The following GLB1 variants were observed in gnomAD, a reference collection of about 807,000 sequenced individuals.
GLB1 encodes galactosidase beta 1.
A neutral mutation model predicts 74.0 loss-of-function variants in GLB1; 56 were observed. That is an observed-to-expected ratio of 0.76 (90% CI 0.61 to 0.94). The LOEUF (loss-of-function observed/expected upper bound fraction) is 0.94. Ranked by LOEUF, GLB1 falls within the 40% of genes least tolerant of loss-of-function variation. The pLI, the probability that GLB1 is intolerant of heterozygous loss-of-function variation, is 0.00. For missense variants in GLB1, 787 were observed against 845.5 expected, an observed-to-expected ratio of 0.93 and a Z score of 0.86; for synonymous variants, 323 against 323.6, an observed-to-expected ratio of 1.00 and a Z score of 0.02.
At chr3:33,091,716 T>C (rs1164894653) in intron 1 of GLB1, 1 of 985,346 alleles carries the variant, frequency 1.0e-6, no homozygotes, top group African/African-American at 1.7e-5. Flanking sequence ...CGCTGCCCTA[T>C]GAGTGAGCAG....
the GLB1 span, among the ~76,000 whole-genome samples, chr3:32,973,691 A>G: frequency 6.6e-6 from 1 of 152,146 alleles, no homozygotes; most frequent in African/African-American, 2.4e-5. Context: ...AACCACAATT[A>G]TGTTTGCACC....
At chr3:33,053,621 A>G (rs1192880394) in intron 6 of GLB1, 72 bp from the exon 7 acceptor site, 1 of 1,601,684 alleles carries the variant, frequency 6.2e-7, no homozygotes, top group Non-Finnish European at 8.5e-7. Flanking sequence ...AGAGCCCTTC[A>G]TGGGACTCGG....
At chr3:33,043,764 G>T (rs1698598501) in intron 10 of GLB1, among the ~76,000 whole-genome samples, 1 of 28,922 alleles carries the variant, frequency 3.5e-5, no homozygotes, top group Non-Finnish European at 8.8e-5. Flanking sequence ...TGAAATTACA[G>T]CATTGGGAAA....
intron 15 of GLB1, 111 bp downstream of exon 15, chr3:33,013,945 A>G: frequency 6.4e-7 from 1 of 1,574,062 alleles, no homozygotes; most frequent in Non-Finnish European, 8.7e-7. Context: ...GAAACGCCAC[A>G]CTCAAAACCA....
chr3:33,092,932 A>G (rs747086872), intron 1 of GLB1: 3 of 1,614,210 alleles, frequency 1.9e-6, no homozygotes, highest in South Asian at 2.2e-5. Flanking sequence ...ACATACACGA[A>G]TGTAGCCTGG....
At chr3:32,969,625 A>T in the GLB1 span, among the ~76,000 whole-genome samples, 11 of 152,300 alleles carry the variant, frequency 7.2e-5, no homozygotes, top group Non-Finnish European at 1.3e-4. Flanking sequence ...TACACTCCAA[A>T]TGAAAAGGCT....
intron 10 of GLB1, among the ~76,000 whole-genome samples, chr3:33,042,614 G>A (rs4472006): frequency 0.67 from 101,912 of 151,604 alleles, 35,272 homozygotes; most frequent in Middle Eastern, 0.81. Context: ...TGATCCGCCC[G>A]CCTCGGCCTC....
intron 11 of GLB1, among the ~76,000 whole-genome samples, chr3:33,022,890 G>T (rs1433974570): frequency 6.6e-6 from 1 of 151,884 alleles, no homozygotes; most frequent in Non-Finnish European, 1.5e-5. Context: ...ACTTCCCATG[G>T]TTACCTTGCT....
Position 33,021,545 on chromosome 3 carries a change from G to T in GLB1, c.1233+21C>A, listed in dbSNP as rs571161854. 1.9e-6 allele frequency: 3 copies of T among 1,611,260 alleles called. No individual in the cohort carries two copies. The South Asian group carries it at 3.3e-5, about 18-fold the overall frequency. On this transcript the variant is annotated intron_variant, in intron 12 of 15. Coordinates refer to ENST00000307363, the MANE Select transcript of GLB1 (RefSeq NM_000404.4). ...CTTTTGCAAGTAGAAAAAAGGCGAG[G>T]CATTACCTTTGAAGGCCTACCTGTT...
At chr3:33,065,968 CA>C (rs35555652) in intron 4 of GLB1, among the ~76,000 whole-genome samples, 43,152 of 123,250 alleles carry the variant, frequency 0.35, 6,657 homozygotes, top group South Asian at 0.41. Flanking sequence ...AACTCTGTCT[CA>C]AAAAAAAAAA....
chr3:33,021,010 C>G (rs557465280), intron 12 of GLB1, among the ~76,000 whole-genome samples: 2 of 150,150 alleles, frequency 1.3e-5, no homozygotes, highest in African/African-American at 4.9e-5. Flanking sequence ...TTAAAATTTT[C>G]CAAAACAAAA....
chr3:32,996,176 T>C (rs116459328), downstream of GLB1, among the ~76,000 whole-genome samples: 554 of 152,272 alleles, frequency 3.6e-3, 5 homozygotes, highest in African/African-American at 0.013. Flanking sequence ...GTGCATGGTG[T>C]AGAACAAGTC....
At chr3:33,085,274 CAAAAAAA>C (rs772490092) in intron 1 of GLB1, among the ~76,000 whole-genome samples, 3 of 74,132 alleles carry the variant, frequency 4.0e-5, no homozygotes, top group African/African-American at 1.0e-4. Flanking sequence ...GAGTCTGTTT[CAAAAAAA>C]AAAAAAAAAA....
intron 12 of GLB1, chr3:33,021,135 A>C (rs1309197576): frequency 1.5e-5 from 3 of 205,002 alleles, no homozygotes; most frequent in African/African-American, 2.3e-5. Flanking sequence ...TCTCTTCAAA[A>C]GCAGGAAAAA....
intron 15 of GLB1, among the ~76,000 whole-genome samples, chr3:33,008,866 T>A (rs1165945727): frequency 6.6e-6 from 1 of 152,142 alleles, no homozygotes; most frequent in Admixed American, 6.5e-5. Context: ...ACGCCTGTAA[T>A]CCCAGCACTC....
chr3:33,069,678 T>C lies in GLB1; in HGVS notation c.246-708A>G, dbSNP rs150477200. Among the ~76,000 whole-genome samples, 112 of 152,346 alleles carry C rather than the reference T, an allele frequency of 7.4e-4. No homozygotes were observed. In the East Asian group the frequency reaches 0.019, roughly 25 times the overall value. The stretch of plus-strand genomic sequence containing the variant: ...TTTCATTCATTGCCCTTTATGATAC[T>C]AACCAGTTTTATCTCTAAAGATAAC... On this transcript the variant is annotated intron_variant, in intron 2 of 15. Coordinates refer to ENST00000307363, the MANE Select transcript of GLB1 (RefSeq NM_000404.4).
At chr3:32,969,004 A>C in the GLB1 span, among the ~76,000 whole-genome samples, 5 of 152,228 alleles carry the variant, frequency 3.3e-5, no homozygotes, top group South Asian at 1.0e-3. Flanking sequence ...TTAGCTCCTC[A>C]TCAAGTCAGT....
intron 1 of GLB1, chr3:33,090,612 C>T: frequency 4.1e-6 from 4 of 985,380 alleles, no homozygotes; most frequent in Non-Finnish European, 4.8e-6. Flanking sequence ...CCCCCGGCCA[C>T]AAACAAACAA....
rs535194133 is a variant in GLB1, at chr3:32,998,380, T to C, written c.1735-1036A>G. ...AAAATTAGCCAGGTGTGGTGGCACA[T>C]GCCTGTAATCCCAGTTACTCAGGAG... On this transcript the variant is annotated intron_variant, in intron 15 of 15. Coordinates refer to ENST00000307363, the MANE Select transcript of GLB1 (RefSeq NM_000404.4). 5.9e-5 allele frequency among the ~76,000 whole-genome samples: 9 copies of C among 152,236 alleles called. No homozygotes were observed. The South Asian group carries it at 1.7e-3, about 28-fold the overall frequency.
Sources: gnomAD v4.1 joint callset for allele counts (sites outside exome capture counted in the v4.1 genomes callset) on GRCh38, gnomAD v4.1.1 for gene constraint, MANE v1.5 for transcripts, NCBI Gene and HGNC (gene_info 2026-07-23, HGNC 2026-07-21) for gene names.